The following TAS2R1 variants were observed in gnomAD, a reference collection of about 807,000 sequenced individuals.
The protein encoded by TAS2R1 is taste receptor type 2 member 1.
For synonymous variants in TAS2R1, 141 were observed against 134.2 expected, an observed-to-expected ratio of 1.05 and a Z score of -0.35; for missense variants, 370 against 353.4, an observed-to-expected ratio of 1.05 and a Z score of -0.38.
intron 1 of TAS2R1, among the ~76,000 whole-genome samples, chr5:9,691,224 C>T (rs762971941): frequency 1.3e-5 from 2 of 152,204 alleles, no homozygotes; most frequent in Non-Finnish European, 1.5e-5. Flanking sequence ...GGGAGCAGAA[C>T]ACAAGGCCCT....
At chr5:9,659,990 G>A (rs1168016391) in intron 1 of TAS2R1, 3 of 151,738 alleles carry the variant, frequency 2.0e-5, no homozygotes, top group East Asian at 3.9e-4. Context: ...TCCTAAATAG[G>A]ATGAAGTAGT....
chr5:9,724,033 C>T, the TAS2R1 span, among the ~76,000 whole-genome samples: 1 of 152,198 alleles, frequency 6.6e-6, no homozygotes, highest in African/African-American at 2.4e-5. Context: ...TTGAGAATTG[C>T]ATTGATCACT....
the TAS2R1 span, among the ~76,000 whole-genome samples, chr5:9,777,344 C>A: frequency 6.6e-6 from 1 of 152,252 alleles, no homozygotes; most frequent in Non-Finnish European, 1.5e-5. Flanking sequence ...ATAATAGTCA[C>A]AGCATCTTTG....
the TAS2R1 span, among the ~76,000 whole-genome samples, chr5:9,753,210 G>A: frequency 3.0e-4 from 45 of 152,270 alleles, no homozygotes; most frequent in Admixed American, 1.5e-3. Flanking sequence ...TCCAGCACCG[G>A]TTGTTTCCTG....
chr5:9,685,481 A>T (rs1447093330), intron 1 of TAS2R1, among the ~76,000 whole-genome samples: 1 of 152,158 alleles, frequency 6.6e-6, no homozygotes, highest in Admixed American at 6.5e-5. Context: ...ATTATGTTAT[A>T]TTGTAAATAT....
At chr5:9,695,525 A>G (rs1741338641) in intron 1 of TAS2R1, among the ~76,000 whole-genome samples, 1 of 150,544 alleles carries the variant, frequency 6.6e-6, no homozygotes, top group East Asian at 1.9e-4. Flanking sequence ...TAGATGCTGC[A>G]TTTTGAAGAT....
chr5:9,781,234 T>C, the TAS2R1 span, among the ~76,000 whole-genome samples: 1 of 152,224 alleles, frequency 6.6e-6, no homozygotes, highest in Admixed American at 6.5e-5. Context: ...GCAGACTTTT[T>C]GCTCTCATTT....
the TAS2R1 span, among the ~76,000 whole-genome samples, chr5:9,786,523 G>A: frequency 3.3e-5 from 5 of 152,082 alleles, no homozygotes; most frequent in South Asian, 2.1e-4. Flanking sequence ...ACAATAACAC[G>A]GTTCTCAACG....
At chr5:9,702,084 T>C (rs1392309450) in intron 1 of TAS2R1, among the ~76,000 whole-genome samples, 1 of 152,228 alleles carries the variant, frequency 6.6e-6, no homozygotes, top group Non-Finnish European at 1.5e-5. Context: ...CTCTCATTTC[T>C]CCAAGTCAGT....
At chr5:9,731,522 C>G in the TAS2R1 span, among the ~76,000 whole-genome samples, 1 of 152,180 alleles carries the variant, frequency 6.6e-6, no homozygotes, top group Non-Finnish European at 1.5e-5. Context: ...AGGTGGCCAT[C>G]CGCCCATGCC....
upstream of TAS2R1, among the ~76,000 whole-genome samples, chr5:9,715,475 G>GC (rs1296904996): frequency 2.6e-5 from 4 of 152,370 alleles, no homozygotes; most frequent in East Asian, 7.7e-4. Flanking sequence ...CCTCCATACA[G>GC]CTTATTGATT....
At chr5:9,854,169 G>A in the TAS2R1 span, among the ~76,000 whole-genome samples, 98,147 of 151,906 alleles carry the variant, frequency 0.65, 31,889 homozygotes, top group Middle Eastern at 0.73. Context: ...TGGGATCTTT[G>A]GTGTTGCTTG....
chr5:9,741,183 G>A, the TAS2R1 span, among the ~76,000 whole-genome samples: 2 of 152,192 alleles, frequency 1.3e-5, no homozygotes, highest in East Asian at 3.9e-4. Context: ...CCGGAGGTGG[G>A]GCTAGAACAC....
At chr5:9,636,276 T>C (rs1739963241) in intron 2 of TAS2R1, among the ~76,000 whole-genome samples, 1 of 152,162 alleles carries the variant, frequency 6.6e-6, no homozygotes, top group South Asian at 2.1e-4. Flanking sequence ...AATTTCCAGT[T>C]TTATTTCACT....
At chr5:9,753,306 T>C in the TAS2R1 span, among the ~76,000 whole-genome samples, 2 of 152,282 alleles carry the variant, frequency 1.3e-5, no homozygotes, top group Non-Finnish European at 2.9e-5. Flanking sequence ...CCAGTGATGA[T>C]AAGCATTTTT....
At chr5:9,859,388 A>C in the TAS2R1 span, among the ~76,000 whole-genome samples, 3 of 152,272 alleles carry the variant, frequency 2.0e-5, no homozygotes, top group Non-Finnish European at 2.9e-5. Flanking sequence ...CAGGAGAGGC[A>C]CTTCCATTTA....
chr5:9,727,941 T>C, the TAS2R1 span, among the ~76,000 whole-genome samples: 1 of 152,110 alleles, frequency 6.6e-6, no homozygotes, highest in Non-Finnish European at 1.5e-5. Context: ...TGGGTATGAA[T>C]GCAGGGCAGT....
At chr5:9,737,800 T>A in the TAS2R1 span, among the ~76,000 whole-genome samples, 1 of 152,152 alleles carries the variant, frequency 6.6e-6, no homozygotes, top group African/African-American at 2.4e-5. Context: ...AATACACAAG[T>A]CAAATTTCTT....
chr5:9,761,068 G>C, the TAS2R1 span: 1 of 152,006 alleles, frequency 6.6e-6, no homozygotes, highest in Non-Finnish European at 1.5e-5. Context: ...AATAACTCTT[G>C]GAGCTAATAA....
Sources: gnomAD v4.1 joint callset for allele counts (sites outside exome capture counted in the v4.1 genomes callset) on GRCh38, gnomAD v4.1.1 for gene constraint, MANE v1.5 for transcripts, NCBI Gene and HGNC (gene_info 2026-07-23, HGNC 2026-07-21) for gene names.